The following GABRA4 variants were observed in gnomAD, a reference collection of about 807,000 sequenced individuals.
The protein encoded by GABRA4 is gamma-aminobutyric acid receptor subunit alpha-4.
A neutral mutation model predicts 49.7 loss-of-function variants in GABRA4; 12 were observed. The observed-to-expected ratio is 0.24, with a 90% CI of 0.15 to 0.39. The LOEUF is 0.39. Ranked by LOEUF, GABRA4 falls within the 10% of genes least tolerant of loss-of-function variation. GABRA4 has a pLI of 1.00. For synonymous variants in GABRA4, 288 were observed against 240.2 expected, an observed-to-expected ratio of 1.20 and a Z score of -1.84; for missense variants, 506 against 686.0, an observed-to-expected ratio of 0.74 and a Z score of 2.93.
At chr4:46,932,792 G>A (rs990204680) in intron 8 of GABRA4, among the ~76,000 whole-genome samples, 3 of 151,958 alleles carry the variant, frequency 2.0e-5, no homozygotes, top group Non-Finnish European at 2.9e-5. Flanking sequence ...TTGCCTATAC[G>A]TAGCCATTCC....
chr4:46,952,568 C>T (rs1241395235), intron 8 of GABRA4, among the ~76,000 whole-genome samples: 2 of 151,998 alleles, frequency 1.3e-5, no homozygotes, highest in Non-Finnish European at 2.9e-5. Flanking sequence ...TCATCTGAGG[C>T]TGAGCAAAAA....
At chr4:46,933,632 T>C (rs1484633294) in intron 8 of GABRA4, among the ~76,000 whole-genome samples, 3 of 152,148 alleles carry the variant, frequency 2.0e-5, no homozygotes, top group Non-Finnish European at 4.4e-5. Flanking sequence ...ATAAGGTATC[T>C]GCTGATCTAT....
chr4:46,963,347 C>T (rs1442599669), intron 8 of GABRA4, among the ~76,000 whole-genome samples: 1 of 151,706 alleles, frequency 6.6e-6, no homozygotes, highest in Non-Finnish European at 1.5e-5. Context: ...ATTTTATCCC[C>T]CAGAATTCCC....
At chr4:46,946,866 T>C (rs1202070740) in intron 8 of GABRA4, among the ~76,000 whole-genome samples, 1 of 152,150 alleles carries the variant, frequency 6.6e-6, no homozygotes, top group Non-Finnish European at 1.5e-5. Context: ...GATTCAAAAA[T>C]AATTGGATCT....
intron 8 of GABRA4, among the ~76,000 whole-genome samples, chr4:46,955,255 TCA>T (rs761750770): frequency 6.6e-6 from 1 of 152,094 alleles, no homozygotes; most frequent in African/African-American, 2.4e-5. Context: ...CCCTCCTTGA[TCA>T]CCAGTTAATA....
At chr4:46,953,661 A>T (rs189649729) in intron 8 of GABRA4, among the ~76,000 whole-genome samples, 4 of 152,290 alleles carry the variant, frequency 2.6e-5, no homozygotes, top group Admixed American at 6.5e-5. Flanking sequence ...TGAAAAGTAG[A>T]TGATCTAAAA....
At chr4:46,984,166 G>T (rs1165996274) in intron 2 of GABRA4, among the ~76,000 whole-genome samples, 2 of 151,934 alleles carry the variant, frequency 1.3e-5, no homozygotes, top group African/African-American at 4.8e-5. Flanking sequence ...AGGGTGTTTT[G>T]CTGATCTTGA....
chr4:46,992,797 G>T (rs1560487423), intron 2 of GABRA4, 31 bp downstream of exon 2: 1 of 1,462,658 alleles, frequency 6.8e-7, no homozygotes, highest in African/African-American at 1.4e-5. Flanking sequence ...GGACAGACAG[G>T]ACACACTTGC....
chr4:46,951,302 A>G (rs1191317155), intron 8 of GABRA4, among the ~76,000 whole-genome samples: 1 of 149,766 alleles, frequency 6.7e-6, no homozygotes, highest in African/African-American at 2.4e-5. Flanking sequence ...TTAAATATAT[A>G]CTATGTATTT....
Position 46,928,733 on chromosome 4 carries a change from A to G in GABRA4, c.1157T>C (p.Met386Thr). The G allele has an allele frequency of 6.2e-7, 1 of 1,610,232 alleles. No individual in the cohort carries two copies. The highest frequency in any genetic ancestry group is 2.2e-5 in the East Asian group (1 of 44,800). Residue 386 changes from methionine to threonine, a missense_variant, in exon 9 of 9, where the codon ATG becomes ACG. Around this residue, in one of 5 missense-constraint regions of GABRA4, gnomAD observed 243 missense variants for 210.8 expected, o/e 1.15. Coordinates refer to ENST00000264318, the MANE Select transcript of GABRA4 (RefSeq NM_000809.4). The stretch of plus-strand genomic sequence containing the variant: ...AACCAAAGCATTTGTTCTTTTTCTC[A>G]TGTTCAAATTGGCATTTGTATTCTG... ...PLQNTNANLNMRKRTNALVHS... is the reference protein window; with the variant it reads ...PLQNTNANLNTRKRTNALVHS...
intron 8 of GABRA4, among the ~76,000 whole-genome samples, chr4:46,961,469 C>T (rs889998921): frequency 2.0e-5 from 3 of 151,764 alleles, no homozygotes; most frequent in African/African-American, 7.3e-5. Context: ...TCTCCCTTGC[C>T]CCACACAAGT....
intron 2 of GABRA4, among the ~76,000 whole-genome samples, chr4:46,987,523 C>G (rs900009519): frequency 1.3e-5 from 2 of 152,074 alleles, no homozygotes; most frequent in African/African-American, 4.8e-5. Context: ...TCCTCCCCAG[C>G]TTTAAATAAC....
chr4:46,971,965 T>C (rs1435170524), intron 6 of GABRA4, among the ~76,000 whole-genome samples: 2 of 150,868 alleles, frequency 1.3e-5, no homozygotes, highest in South Asian at 4.1e-4. Flanking sequence ...TTGATAAGTG[T>C]TTTTACTGTT....
chr4:46,952,007 GTATT>G (rs1722190867), intron 8 of GABRA4, among the ~76,000 whole-genome samples: 2 of 151,948 alleles, frequency 1.3e-5, no homozygotes, highest in Non-Finnish European at 2.9e-5. Flanking sequence ...GCAATTAAAA[GTATT>G]TATTTTTTAA....
intron 7 of GABRA4, among the ~76,000 whole-genome samples, chr4:46,968,869 A>G (rs1217147601): frequency 6.6e-6 from 1 of 151,626 alleles, no homozygotes; most frequent in Non-Finnish European, 1.5e-5. Context: ...AGTCATCACA[A>G]TAATAATAAT....
In GABRA4 at chr4:46,928,356, CA is replaced by C; in HGVS notation, c.1533del (p.Gly512AspfsTer7). 6.2e-7 allele frequency: 1 copy of C among 1,613,560 alleles called. No individual in the cohort carries two copies. The highest frequency in any genetic ancestry group is 8.5e-7 in the Non-Finnish European group (1 of 1,179,682). On this transcript the variant is annotated frameshift_variant, in exon 9 of 9. Transcript: ENST00000264318. LOFTEE classifies it high-confidence loss of function. ...TTGTCTATTTTACTTGTGCCAGATC[CA>C]GAAGGTGGTGGAGCCGATGGAGGAG... Reference protein sequence around the residue: ...ATPPPSAPPPSGSGTSKIDKY... With the variant: ...ATPPPSAPPPXGSGTSKIDKY...
chr4:46,949,745 G>A (rs543623664), intron 8 of GABRA4, among the ~76,000 whole-genome samples: 1 of 152,036 alleles, frequency 6.6e-6, no homozygotes, highest in Non-Finnish European at 1.5e-5. Context: ...GTGCAAAAAT[G>A]AATGATTTAT....
At chr4:46,967,964 G>C (rs976452980) in intron 7 of GABRA4, among the ~76,000 whole-genome samples, 4 of 151,544 alleles carry the variant, frequency 2.6e-5, no homozygotes, top group African/African-American at 9.7e-5. Context: ...AAACTTAGAG[G>C]CATACAGCTT....
chr4:46,931,580 A>G (rs1406746313), intron 8 of GABRA4, among the ~76,000 whole-genome samples: 1 of 152,160 alleles, frequency 6.6e-6, no homozygotes, highest in East Asian at 1.9e-4. Flanking sequence ...ATTCATGTCC[A>G]GGAGCTTACC....
Sources: gnomAD v4.1 joint callset for allele counts (sites outside exome capture counted in the v4.1 genomes callset) on GRCh38, gnomAD v4.1.1 for gene constraint, gnomAD v4.1.1 regional missense constraint, MANE v1.5 for transcripts, NCBI Gene and HGNC (gene_info 2026-07-23, HGNC 2026-07-21) for gene names.